Variants in A1CF observed in about 807,000 individuals in gnomAD.
A1CF encodes APOBEC-1 stimulating protein.
A1CF carries 48 observed loss-of-function variants against 68.9 expected under a neutral mutation model. The observed-to-expected ratio is 0.70, with a 90% confidence interval of 0.55 to 0.89. The LOEUF is 0.89. Among genes scored for constraint, A1CF ranks in the 40% least tolerant of loss-of-function variants. A1CF has a pLI of 0.00. For synonymous variants in A1CF, 272 were observed against 260.4 expected (o/e 1.04, Z -0.43); for missense variants, 653 against 718.9 (o/e 0.91, Z 1.05).
chr10:50,831,555 C>A (rs540420805), intron 6 of A1CF, among the ~76,000 whole-genome samples: 1 of 152,024 alleles, frequency 6.6e-6, no homozygotes, highest in African/African-American at 2.4e-5. Context: ...ATGGAGAAAC[C>A]CCATCTCTAC....
At chr10:50,852,820 T>C (rs192920418) in intron 3 of A1CF, among the ~76,000 whole-genome samples, 4 of 152,282 alleles carry the variant, frequency 2.6e-5, no homozygotes, top group African/African-American at 9.6e-5. Context: ...GACCCTCAGG[T>C]TATTTTTATT....
chr10:50,851,352 A>T (rs1840233056), intron 3 of A1CF, among the ~76,000 whole-genome samples: 1 of 152,222 alleles, frequency 6.6e-6, no homozygotes, highest in African/African-American at 2.4e-5. Flanking sequence ...TTTGTGAGTT[A>T]GTCAATTGGA....
At chr10:50,816,487 G>T in intron 8 of A1CF, 4 of 569,134 alleles carry the variant, frequency 7.0e-6, no homozygotes, top group South Asian at 4.6e-5. Flanking sequence ...ATGCCAACAG[G>T]TTTGACAGTG....
chr10:50,857,056 T>A (rs1840514329), intron 3 of A1CF, among the ~76,000 whole-genome samples: 1 of 152,106 alleles, frequency 6.6e-6, no homozygotes, highest in Non-Finnish European at 1.5e-5. Flanking sequence ...ATTTGAAAGG[T>A]TTCTTCATAG....
chr10:50,840,276 A>ATT (rs202161491), intron 5 of A1CF, among the ~76,000 whole-genome samples: 2,804 of 147,626 alleles, frequency 0.019, 57 homozygotes, highest in African/African-American at 0.056. Context: ...CTAAAATACA[A>ATT]TTTTTTTTTT....
intron 3 of A1CF, among the ~76,000 whole-genome samples, chr10:50,856,095 C>A (rs1367179202): frequency 1.3e-5 from 2 of 151,906 alleles, no homozygotes; most frequent in Non-Finnish European, 2.9e-5. Context: ...CCCTTTCGAC[C>A]AAATAGTCCA....
chr10:50,817,739 A>G (rs1158826043), intron 8 of A1CF, among the ~76,000 whole-genome samples: 23 of 152,284 alleles, frequency 1.5e-4, no homozygotes. Flanking sequence ...GCATGGAATG[A>G]TTCTTTGCGG....
chr10:50,828,307 G>T lies in A1CF; in HGVS notation c.605-12C>A, dbSNP rs1839068677. On this transcript the variant is annotated splice_polypyrimidine_tract_variant and intron_variant, in intron 6 of 12. Transcript: ENST00000373997. ...TAACTGAATTCTTCCTGTTGAAAAT[G>T]ATCACCATTATGATTAATTATGTAG... 3.3e-6 allele frequency: 5 copies of T among 1,534,690 alleles called. No individual in the cohort carries two copies. The highest frequency in any genetic ancestry group is 1.3e-5 in the South Asian group (1 of 79,480).
intron 1 of A1CF, among the ~76,000 whole-genome samples, chr10:50,866,659 C>T (rs1589039434): frequency 6.6e-6 from 1 of 152,114 alleles, no homozygotes. Flanking sequence ...TGATTATAAC[C>T]CTGAGCTAGA....
chr10:50,826,254 G>A (rs1838926819), intron 7 of A1CF, among the ~76,000 whole-genome samples: 1 of 152,066 alleles, frequency 6.6e-6, no homozygotes, highest in Non-Finnish European at 1.5e-5. Context: ...AGATAAGTAT[G>A]CAATTATAAT....
intron 5 of A1CF, among the ~76,000 whole-genome samples, chr10:50,840,037 C>T (rs757534904): frequency 6.6e-6 from 1 of 152,058 alleles, no homozygotes; most frequent in Admixed American, 6.5e-5. Flanking sequence ...TCACTGTGTC[C>T]GGCCCAGGAA....
Position 50,811,077 on chromosome 10 carries a change from T to C in A1CF, c.1423A>G (p.Ile475Val), listed in dbSNP as rs748368728. ...QDQRQLFLYK[I>V]TIPALASQNP... is the part of the protein sequence containing the mutation. The stretch of plus-strand genomic sequence containing the variant: ...TGGCTGGCTAGAGCAGGAATAGTTA[T>C]TTTGTACAAGAATAGCTGTCTTTGG... The change falls in exon 11 of 13, where the codon ATA (isoleucine) becomes GTA (valine). Residue 475 changes from isoleucine to valine, a missense_variant. By Grantham distance (29) the Ile-to-Val change is conservative (BLOSUM62 3). Coordinates refer to ENST00000373997, the MANE Select transcript of A1CF (RefSeq NM_014576.4). 1.2e-6 allele frequency: 2 copies of C among 1,613,476 alleles called. No individual in the cohort carries two copies. Among genetic ancestry groups the C allele is most frequent in the East Asian group, 4.5e-5 (2 of 44,824 alleles).
Position 50,864,081 on chromosome 10 carries a change from C to T in A1CF, c.-93-1G>A, listed in dbSNP as rs1179229095. On this transcript the variant is annotated splice_acceptor_variant, in intron 1 of 12. Coordinates refer to ENST00000373997, the MANE Select transcript of A1CF (RefSeq NM_014576.4). LOFTEE classifies it low-confidence loss of function (5UTR_SPLICE). ...CAGGTTTTTGGCACAGCACTGTTATCTAGTTGAGGATGGGTGAGAGCAGAA... is the reference window on the plus strand; with the variant it reads ...CAGGTTTTTGGCACAGCACTGTTATTTAGTTGAGGATGGGTGAGAGCAGAA... 3 of 151,938 alleles carry T rather than the reference C, an allele frequency of 2.0e-5. No homozygotes were observed. In the East Asian group the frequency reaches 5.8e-4, roughly 29 times the overall value. 9.4% of individuals were successfully genotyped at this position (151,938 alleles called of 1,614,324 possible).
intron 9 of A1CF, among the ~76,000 whole-genome samples, chr10:50,815,080 T>C (rs1290321433): frequency 6.6e-6 from 1 of 152,212 alleles, no homozygotes; most frequent in Non-Finnish European, 1.5e-5. Flanking sequence ...AATCTAGATG[T>C]GCCTTTTTGC....
intron 6 of A1CF, among the ~76,000 whole-genome samples, chr10:50,831,616 T>C (rs939580688): frequency 1.3e-5 from 2 of 152,112 alleles, no homozygotes; most frequent in African/African-American, 2.4e-5. Flanking sequence ...TAATCCCAGC[T>C]ACTCAGGAGG....
intron 3 of A1CF, among the ~76,000 whole-genome samples, chr10:50,858,606 G>T (rs1031999498): frequency 3.3e-5 from 5 of 152,188 alleles, no homozygotes; most frequent in South Asian, 2.1e-4. Context: ...TGAAAGGGTT[G>T]AAATGCTTTC....
At chr10:50,820,688 A>T in intron 7 of A1CF, 39 bp from the exon 8 acceptor site, 1 of 1,552,906 alleles carries the variant, frequency 6.4e-7, no homozygotes, top group Non-Finnish European at 8.8e-7. Flanking sequence ...TAACAAAATT[A>T]AGAGAGCCTT....
At chr10:50,883,120 T>G (rs1197284721) in intron 1 of A1CF, among the ~76,000 whole-genome samples, 2 of 152,216 alleles carry the variant, frequency 1.3e-5, no homozygotes, top group Non-Finnish European at 2.9e-5. Context: ...ATGTACAGTT[T>G]GTGATTTCAA....
intron 3 of A1CF, among the ~76,000 whole-genome samples, chr10:50,845,091 A>G (rs1839939180): frequency 1.3e-5 from 2 of 152,210 alleles, no homozygotes; most frequent in Admixed American, 6.5e-5. Context: ...AAAAGATATC[A>G]TATGAGTCTT....
Sources: gnomAD v4.1 joint callset for allele counts (sites outside exome capture counted in the v4.1 genomes callset) on GRCh38, gnomAD v4.1.1 for gene constraint, MANE v1.5 for transcripts, NCBI Gene and HGNC (gene_info 2026-07-23, HGNC 2026-07-21) for gene names.